Variants in CTTNBP2NL observed in about 807,000 individuals in gnomAD.
The protein encoded by CTTNBP2NL is CTTNBP2 N-terminal-like protein.
CTTNBP2NL carries 16 observed loss-of-function variants against 32.5 expected under a neutral mutation model. The observed-to-expected ratio is 0.49, with a 90% CI of 0.33 to 0.75. The LOEUF (loss-of-function observed/expected upper bound fraction) is 0.75, where lower values mean the gene tolerates loss of function less well. Among genes scored for constraint, CTTNBP2NL ranks in the 30% least tolerant of loss-of-function variants. The probability of loss-of-function intolerance (pLI) is 0.02; values close to 1 mark genes in which losing one functional copy is unlikely to be tolerated. For synonymous variants in CTTNBP2NL, 298 were observed against 289.4 expected (o/e 1.03, Z -0.30); for missense variants, 645 against 756.0 (o/e 0.85, Z 1.72).
chr1:112,391,990 C>CAGTAAATAAATA (rs1553221819), upstream of CTTNBP2NL, among the ~76,000 whole-genome samples: 2 of 149,094 alleles, frequency 1.3e-5, no homozygotes, highest in African/African-American at 5.1e-5. Context: ...GACCCTGTCT[C>CAGTAAATAAATA]AATAAATAAA....
chr1:112,424,113 T>C (rs1352946616), intron 3 of CTTNBP2NL, among the ~76,000 whole-genome samples: 1 of 152,192 alleles, frequency 6.6e-6, no homozygotes, highest in African/African-American at 2.4e-5. Context: ...CTCCTGTTTT[T>C]TTGTTTTTGT....
At chr1:112,422,149 C>T (rs1382146717) in intron 3 of CTTNBP2NL, among the ~76,000 whole-genome samples, 1 of 152,182 alleles carries the variant, frequency 6.6e-6, no homozygotes, top group Non-Finnish European at 1.5e-5. Flanking sequence ...CCACTACTCT[C>T]TGCCCCTTAC....
At chr1:112,444,409 A>T (rs1456134521) in intron 3 of CTTNBP2NL, among the ~76,000 whole-genome samples, 1 of 152,214 alleles carries the variant, frequency 6.6e-6, no homozygotes, top group Non-Finnish European at 1.5e-5. Flanking sequence ...GACTCTAAGA[A>T]GATTATGTGA....
chr1:112,426,118 G>C (rs1221297792), intron 3 of CTTNBP2NL, among the ~76,000 whole-genome samples: 4 of 151,778 alleles, frequency 2.6e-5, no homozygotes, highest in Non-Finnish European at 5.9e-5. Flanking sequence ...TTGGCCGTAG[G>C]TTTTTTGCAA....
chr1:112,401,515 CAG>C (rs1476853072), intron 1 of CTTNBP2NL, among the ~76,000 whole-genome samples: 1 of 152,164 alleles, frequency 6.6e-6, no homozygotes, highest in African/African-American at 2.4e-5. Flanking sequence ...GATTACCGTG[CAG>C]AGTTATACCT....
chr1:112,417,767 A>G (rs954941427), intron 3 of CTTNBP2NL, among the ~76,000 whole-genome samples: 3 of 152,170 alleles, frequency 2.0e-5, no homozygotes, highest in East Asian at 1.9e-4. Context: ...AATTGTTTCA[A>G]TCGTTTGAGA....
In CTTNBP2NL at chr1:112,460,722, A is replaced by C. The variant is rs182430018; in HGVS notation, c.*3310A>C. Reference sequence around the variant, plus strand: ...GCTGCAATGTTAGCAAATGCAAGCCAGAGAGAAGCACTTGAAAATCCTTTG... The same window carrying C: ...GCTGCAATGTTAGCAAATGCAAGCCCGAGAGAAGCACTTGAAAATCCTTTG... On this transcript the variant is annotated 3_prime_UTR_variant, in exon 6 of 6. Coordinates refer to ENST00000271277, the MANE Select transcript of CTTNBP2NL (RefSeq NM_018704.3). The C allele has an allele frequency of 1.6e-3, 238 of 152,390 alleles. 2 individuals are homozygous for C. The highest frequency in any genetic ancestry group is 5.6e-3 in the African/African-American group (232 of 41,598). 9.4% of individuals were successfully genotyped at this position (152,390 alleles called of 1,614,324 possible).
intron 1 of CTTNBP2NL, among the ~76,000 whole-genome samples, chr1:112,402,707 G>T (rs1648543032): frequency 6.6e-6 from 1 of 152,198 alleles, no homozygotes; most frequent in African/African-American, 2.4e-5. Flanking sequence ...CTTAATGTTT[G>T]AGGGTATAAC....
chr1:112,448,971 A>G lies in CTTNBP2NL; in HGVS notation c.129A>G (p.Glu43=). The G allele has an allele frequency of 6.2e-7, 1 of 1,611,642 alleles. No homozygotes were observed. Among genetic ancestry groups the G allele is most frequent in the African/African-American group, 1.3e-5 (1 of 75,014 alleles). ...KAQHRDTFIE[E]RYGKYNISDP... The stretch of plus-strand genomic sequence containing the variant: ...AACACAGAGATACTTTCATTGAAGA[A>G]CGCTATGGAAAATATAACATCAGTG... The change falls in exon 4 of 6, where the codon GAA becomes GAG. Residue 43 remains glutamate, a synonymous_variant. Coordinates refer to ENST00000271277, the MANE Select transcript of CTTNBP2NL (RefSeq NM_018704.3).
At chr1:112,418,385 ACT>A (rs1649126402) in intron 3 of CTTNBP2NL, among the ~76,000 whole-genome samples, 1 of 151,940 alleles carries the variant, frequency 6.6e-6, no homozygotes, top group South Asian at 2.1e-4. Context: ...CTCCTCACTC[ACT>A]CTCTATTGCA....
At chr1:112,442,638 C>T (rs1649928315) in intron 3 of CTTNBP2NL, among the ~76,000 whole-genome samples, 1 of 151,844 alleles carries the variant, frequency 6.6e-6, no homozygotes, top group Admixed American at 6.6e-5. Flanking sequence ...TAGAACATTT[C>T]ACAGGACTCT....
chr1:112,449,131 A>C lies in CTTNBP2NL; in HGVS notation c.289A>C (p.Met97Leu). ...GCAGTGCAAGAACATGCAGGAGCGC[A>C]TGCTGTCCCAGCTGGCTGCTGCTGA... ...MKQCKNMQER[M>L]LSQLAAAESR... Residue 97 changes from methionine (M) to leucine (L), a missense_variant, in exon 4 of 6, where the codon ATG becomes CTG. Met to Leu is a conservative substitution (Grantham distance 15). Transcript: ENST00000271277. 6.2e-7 allele frequency: 1 copy of C among 1,613,722 alleles called. No individual in the cohort carries two copies. The highest frequency in any genetic ancestry group is 2.2e-5 in the East Asian group (1 of 44,848).
chr1:112,457,158 T>A lies in CTTNBP2NL; in HGVS notation c.1666T>A (p.Ser556Thr). ...TSHSPTPGKV[S>T]SPLSPLSPGI... ...CCATTCACCTACTCCAGGGAAAGTG[T>A]CCAGTCCCCTGAGCCCCCTGTCTCC... is the stretch of plus-strand genomic sequence containing the variant. Residue 556 changes from serine to threonine, a missense_variant, in exon 6 of 6, where the codon TCC (serine) becomes ACC (threonine). Coordinates refer to ENST00000271277, the MANE Select transcript of CTTNBP2NL (RefSeq NM_018704.3). The A allele has an allele frequency of 6.2e-7, 1 of 1,614,084 alleles. No homozygotes were observed. The highest frequency in any genetic ancestry group is 8.5e-7 in the Non-Finnish European group (1 of 1,180,010).
In CTTNBP2NL at chr1:112,424,733, A is replaced by T. The variant is rs571268772; in HGVS notation, c.99+8469A>T. Among the ~76,000 whole-genome samples the T allele has an allele frequency of 4.6e-5, 7 of 151,790 alleles. No homozygotes were observed. In the East Asian group the frequency reaches 1.4e-3, roughly 29 times the overall value. ...AGCTTTTAGTGTATAGCTTTTTCACATTTTTTTTGTCAGATTTACCCTAAG... is the reference window on the plus strand; with the variant it reads ...AGCTTTTAGTGTATAGCTTTTTCACTTTTTTTTTGTCAGATTTACCCTAAG... On this transcript the variant is annotated intron_variant, in intron 3 of 5. Transcript: ENST00000271277.
chr1:112,441,325 C>CT (rs984918416), intron 3 of CTTNBP2NL, among the ~76,000 whole-genome samples: 7 of 151,956 alleles, frequency 4.6e-5, no homozygotes, highest in Non-Finnish European at 1.0e-4. Context: ...TGCCTGGCCT[C>CT]TTTTTTTTGT....
chr1:112,416,202 A>G lies in CTTNBP2NL; in HGVS notation c.37A>G (p.Thr13Ala). 1 of 1,609,676 alleles carries G rather than the reference A, an allele frequency of 6.2e-7. No homozygotes were observed. Among genetic ancestry groups the G allele is most frequent in the South Asian group, 1.1e-5 (1 of 89,732 alleles). Residue 13 changes from threonine (T) to alanine (A), a missense_variant, in exon 3 of 6, where the codon ACA becomes GCA. Thr to Ala is a moderately conservative substitution (Grantham distance 58, BLOSUM62 0). Coordinates refer to ENST00000271277, the MANE Select transcript of CTTNBP2NL (RefSeq NM_018704.3). ...LEKLSKPELL[T>A]LFSILEGELE... Reference sequence around the variant, plus strand: ...AAAACTCAGCAAGCCTGAACTCCTGACACTATTTAGTATTCTTGAAGGAGA... The same window carrying G: ...AAAACTCAGCAAGCCTGAACTCCTGGCACTATTTAGTATTCTTGAAGGAGA...
At chr1:112,400,374 G>C (rs1049234165) in intron 1 of CTTNBP2NL, among the ~76,000 whole-genome samples, 1 of 152,094 alleles carries the variant, frequency 6.6e-6, no homozygotes, top group African/African-American at 2.4e-5. Context: ...AGGATTACAC[G>C]AATAGGCCAG....
upstream of CTTNBP2NL, among the ~76,000 whole-genome samples, chr1:112,395,553 T>C (rs1215801052): frequency 6.6e-6 from 1 of 152,236 alleles, no homozygotes; most frequent in Non-Finnish European, 1.5e-5. Flanking sequence ...TGGAAAAACC[T>C]GCCACACAAA....
intron 1 of CTTNBP2NL, among the ~76,000 whole-genome samples, chr1:112,407,824 G>A (rs1570715920): frequency 6.9e-6 from 1 of 144,702 alleles, no homozygotes; most frequent in South Asian, 2.2e-4. Context: ...AACAAAAACG[G>A]CTTTCTTTTT....
Sources: allele counts gnomAD v4.1 joint callset (sites outside exome capture counted in the v4.1 genomes callset), GRCh38; gene constraint gnomAD v4.1.1; transcripts MANE v1.5; gene names NCBI Gene and HGNC (gene_info 2026-07-23, HGNC 2026-07-21).